The following SH3TC1 variants were observed in gnomAD, a reference collection of about 807,000 sequenced individuals.
SH3TC1 encodes the protein SH3 domain and tetratricopeptide repeat-containing protein 1.
In SH3TC1, 135 loss-of-function variants were observed where a neutral mutation model predicts 117.3. The ratio of observed to expected loss-of-function variants is 1.15; its 90% CI spans 1.00 to 1.33. The LOEUF is 1.33. Ranked by LOEUF, SH3TC1 falls within the 40% of genes most tolerant of loss-of-function variation. The pLI, the probability that SH3TC1 is intolerant of heterozygous loss-of-function variation, is 0.00. For missense variants in SH3TC1, 2,092 were observed against 1,794.3 expected, an observed-to-expected ratio of 1.17 and a Z score of -3.00; for synonymous variants, 898 against 816.9, an observed-to-expected ratio of 1.10 and a Z score of -1.69.
rs1475851375 is a variant in SH3TC1 at position 8,236,448 on chromosome 4, G to T, written c.3556+20G>T. On this transcript the variant is annotated intron_variant, in intron 16 of 17. Coordinates refer to ENST00000245105, the MANE Select transcript of SH3TC1 (RefSeq NM_018986.5). ...CCCTGGGTAAGCCCCCTGAGCCCCT[G>T]CCCTGCCAGGACCCACACTTTGCCA... 7.0e-7 allele frequency: 1 copy of T among 1,424,670 alleles called. No homozygotes were observed. Among genetic ancestry groups the T allele is most frequent in the Non-Finnish European group, 9.2e-7 (1 of 1,081,560 alleles). The allele number at this position is 1,424,670 out of a possible 1,614,324, so 88.3% of individuals were successfully genotyped here. A position where few individuals can be genotyped will look rare whatever the true frequency, so the allele number is the denominator to read the frequency against.
chr4:8,232,722 C>T, intron 13 of SH3TC1: 5 of 1,290,060 alleles, frequency 3.9e-6, no homozygotes, highest in Non-Finnish European at 5.1e-6. Flanking sequence ...AGTGACATTG[C>T]TGCACTCACA....
At chr4:8,229,801 C>G (rs2152993504) in intron 12 of SH3TC1, among the ~76,000 whole-genome samples, 1 of 152,234 alleles carries the variant, frequency 6.6e-6, no homozygotes, top group African/African-American at 2.4e-5. Flanking sequence ...CCACAGCAGC[C>G]TCCGGTGGGT....
In SH3TC1 at chr4:8,240,924, C is replaced by T. The variant is rs371765941; in HGVS notation, c.3980C>T (p.Ala1327Val). 1.2e-6 allele frequency: 2 copies of T among 1,611,842 alleles called. No individual in the cohort carries two copies. Among genetic ancestry groups the T allele is most frequent in the African/African-American group, 2.7e-5 (2 of 74,942 alleles). ...NLPPLPLCGW[A>V]PWLAPSHPR ...CCTCCTCTGCCACTCTGCGGGTGGG[C>T]CCCCTGGTTGGCCCCCAGCCACCCT... The change falls in exon 18 of 18, where the codon GCC (alanine) becomes GTC (valine). Residue 1327 changes from alanine (A) to valine (V), a missense_variant. Physicochemically the swap from Ala to Val is moderately conservative, Grantham distance 64 (BLOSUM62 0). Coordinates refer to ENST00000245105, the MANE Select transcript of SH3TC1 (RefSeq NM_018986.5).
chr4:8,188,003 T>C (rs924443635), intron 1 of SH3TC1, among the ~76,000 whole-genome samples: 14 of 152,246 alleles, frequency 9.2e-5, no homozygotes, highest in African/African-American at 3.4e-4. Flanking sequence ...TATTGATCCA[T>C]TTAACTATTG....
chr4:8,185,550 G>A (rs1270907129), intron 1 of SH3TC1, among the ~76,000 whole-genome samples: 2 of 152,020 alleles, frequency 1.3e-5, no homozygotes, highest in African/African-American at 2.4e-5. Flanking sequence ...AGATGCGAAC[G>A]CATCCTAACC....
intron 9 of SH3TC1, among the ~76,000 whole-genome samples, chr4:8,219,829 A>C (rs1719732768): frequency 6.6e-6 from 1 of 152,232 alleles, no homozygotes. Flanking sequence ...GGCTTAAAGC[A>C]ACAGAAATGT....
In SH3TC1 at chr4:8,225,938, A is replaced by C. The variant is rs1354584282; in HGVS notation, c.1285+722A>C. ...CCCTGGAGCAAATGCGAGTGACTCC[A>C]GCTGCCCCCAAGGCCAGGGTAATAG... On this transcript the variant is annotated intron_variant, in intron 11 of 17. Transcript: ENST00000245105. The surrounding 1 kb of genome is among the most constrained non-coding windows in gnomAD (Gnocchi z 5.5). 6.6e-6 allele frequency among the ~76,000 whole-genome samples: 1 copy of C among 152,128 alleles called. No individual in the cohort carries two copies. The highest frequency in any genetic ancestry group is 2.4e-5 in the African/African-American group (1 of 41,418).
intron 1 of SH3TC1, among the ~76,000 whole-genome samples, chr4:8,191,800 C>G (rs1311624330): frequency 6.6e-6 from 1 of 151,920 alleles, no homozygotes; most frequent in Non-Finnish European, 1.5e-5. Flanking sequence ...GCGGGGCCAT[C>G]TTTGCTTGTT....
At chr4:8,236,139 T>C (rs1005610134) in intron 15 of SH3TC1, 139 bp from the exon 16 acceptor site, 1 of 1,128,398 alleles carries the variant, frequency 8.9e-7, no homozygotes, top group Non-Finnish European at 1.2e-6. Flanking sequence ...AACCGCCCTT[T>C]ATCTCAGAGC....
chr4:8,188,412 G>A (rs776340311), intron 1 of SH3TC1, among the ~76,000 whole-genome samples: 3 of 152,238 alleles, frequency 2.0e-5, no homozygotes, highest in Admixed American at 6.5e-5. Flanking sequence ...TAATGACGAC[G>A]ACTGCTCTCC....
chr4:8,201,683 C>T (rs1156759469), intron 1 of SH3TC1: 1 of 152,266 alleles, frequency 6.6e-6, no homozygotes. Context: ...AGGCTCTGCA[C>T]AGGAATCCCA....
At chr4:8,217,896 T>C (rs1719451598) in intron 7 of SH3TC1, among the ~76,000 whole-genome samples, 1 of 152,172 alleles carries the variant, frequency 6.6e-6, no homozygotes, top group Non-Finnish European at 1.5e-5. Context: ...GTCACAGTGG[T>C]ACTAGGATTT....
upstream of SH3TC1, among the ~76,000 whole-genome samples, chr4:8,197,571 T>C (rs562208216): frequency 3.1e-3 from 479 of 152,252 alleles, 4 homozygotes; most frequent in African/African-American, 0.011. Context: ...TGTCCTTTGG[T>C]GCCTCTGAAC....
At chr4:8,240,540 A>C (rs1722236429) in intron 17 of SH3TC1, among the ~76,000 whole-genome samples, 158 bp from the exon 18 acceptor site, 1 of 152,034 alleles carries the variant, frequency 6.6e-6, no homozygotes, top group East Asian at 1.9e-4. Context: ...GGCCGTCTCC[A>C]CCTCCTGCAG....
rs200944161 is a variant in SH3TC1 at position 8,225,170 on chromosome 4, G to A, written c.1244-5G>A. 20 of 1,613,634 alleles carry A rather than the reference G, an allele frequency of 1.2e-5. No individual in the cohort carries two copies. The highest frequency in any genetic ancestry group is 1.7e-6 in the Non-Finnish European group (2 of 1,179,942). The stretch of plus-strand genomic sequence containing the variant: ...GTTGATTGCTTCTCTTTTCTCCCTT[G>A]CCAGACTCAGTAGAGGAAGCTGAGA... On this transcript the variant is annotated splice_polypyrimidine_tract_variant and splice_region_variant and intron_variant, in intron 10 of 17. Coordinates refer to ENST00000245105, the MANE Select transcript of SH3TC1 (RefSeq NM_018986.5). This position sits in a 1 kb window ranked among gnomAD's most constrained non-coding sequence, Gnocchi z 5.5.
At chr4:8,235,595 G>A in intron 15 of SH3TC1, 40 bp downstream of exon 15, 2 of 1,523,524 alleles carry the variant, frequency 1.3e-6, no homozygotes, top group Non-Finnish European at 1.8e-6. Flanking sequence ...GGCCCCAGGG[G>A]GGGCACCTTG....
chr4:8,228,293 A>C lies in SH3TC1; in HGVS notation c.2599A>C (p.Asn867His). 2 of 1,612,368 alleles carry C rather than the reference A, an allele frequency of 1.2e-6. No homozygotes were observed. The highest frequency in any genetic ancestry group is 2.2e-5 in the South Asian group (2 of 91,070). The change falls in exon 12 of 18, where the codon AAC becomes CAC. Residue 867 changes from asparagine to histidine, a missense_variant. Transcript: ENST00000245105. The stretch of plus-strand genomic sequence containing the variant: ...CGAGGACCAGGAGGGCGTGATTGCC[A>C]ACATGGTGGCCGTGGCTCTGAAGAG... ...ASEDQEGVIA[N>H]MVAVALKRTG...
intron 1 of SH3TC1, among the ~76,000 whole-genome samples, chr4:8,184,717 G>C (rs1411130646): frequency 6.6e-6 from 1 of 152,100 alleles, no homozygotes; most frequent in African/African-American, 2.4e-5. Context: ...ATGCATCTGT[G>C]GGGCTCCTTT....
Position 8,227,603 on chromosome 4 carries a change from C to T in SH3TC1, c.1909C>T (p.His637Tyr). ...AMALLLGTPD[H>Y]ICSTEAEGEL... ...GGCCCTGCTCCTGGGGACGCCTGAC[C>T]ACATCTGCAGCACCGAGGCGGAGGG... Residue 637 changes from histidine to tyrosine, a missense_variant, in exon 12 of 18, where the codon CAC (histidine) becomes TAC (tyrosine). Coordinates refer to ENST00000245105, the MANE Select transcript of SH3TC1 (RefSeq NM_018986.5). 6.6e-7 allele frequency: 1 copy of T among 1,520,814 alleles called. No homozygotes were observed. Among genetic ancestry groups the T allele is most frequent in the Non-Finnish European group, 8.8e-7 (1 of 1,137,092 alleles). 94.2% of individuals were successfully genotyped at this position (1,520,814 alleles called of 1,614,324 possible). A position where few individuals can be genotyped will look rare whatever the true frequency, so the allele number is the denominator to read the frequency against.
Sources: gnomAD v4.1 joint callset for allele counts (sites outside exome capture counted in the v4.1 genomes callset) on GRCh38, gnomAD v4.1.1 for gene constraint, Gnocchi (gnomAD v3.1) non-coding constraint, MANE v1.5 for transcripts, NCBI Gene and HGNC (gene_info 2026-07-23, HGNC 2026-07-21) for gene names.